NAV2: variants seen among roughly 807,000 people sequenced by gnomAD.
NAV2 encodes neuron navigator 2, also known as helicase, APC down-regulated 1.
NAV2 carries 54 observed loss-of-function variants against 223.2 expected under a neutral mutation model. That is an observed-to-expected ratio of 0.24 (90% CI 0.19 to 0.30). The LOEUF (loss-of-function observed/expected upper bound fraction) is 0.30. Ranked by LOEUF, NAV2 falls within the 10% of genes least tolerant of loss-of-function variation. NAV2 has a pLI of 1.00. For missense variants in NAV2, 2,806 were observed against 3,147.5 expected, an observed-to-expected ratio of 0.89 and a Z score of 2.60; for synonymous variants, 1,279 against 1,239.3, an observed-to-expected ratio of 1.03 and a Z score of -0.67.
intron 1 of NAV2, among the ~76,000 whole-genome samples, chr11:19,829,650 G>A (rs1350502498): frequency 6.6e-6 from 1 of 152,188 alleles, no homozygotes; most frequent in African/African-American, 2.4e-5. Context: ...AGGGCACAGA[G>A]GGAATTGATA....
chr11:19,656,495 G>A (rs752197219), intron 1 of NAV2, among the ~76,000 whole-genome samples: 1 of 152,236 alleles, frequency 6.6e-6, no homozygotes, highest in African/African-American at 2.4e-5. Context: ...TGGGGAAGGA[G>A]CACAGAGCCA....
intron 26 of NAV2, among the ~76,000 whole-genome samples, chr11:20,089,905 G>T (rs112731579): frequency 6.6e-6 from 1 of 152,166 alleles, no homozygotes; most frequent in Non-Finnish European, 1.5e-5. Flanking sequence ...CCTTGACCTG[G>T]TGTGCAGCAG....
intron 6 of NAV2, among the ~76,000 whole-genome samples, chr11:19,927,190 A>T (rs2044841708): frequency 6.6e-6 from 1 of 152,172 alleles, no homozygotes; most frequent in Admixed American, 6.5e-5. Flanking sequence ...TTTCCTTCTT[A>T]CAGTGGTTTG....
intron 35 of NAV2, chr11:20,107,141 A>G (rs1397068464): frequency 8.4e-6 from 1 of 119,416 alleles, no homozygotes; most frequent in African/African-American, 3.3e-5. Flanking sequence ...GCAGTGGCGC[A>G]ATCTCGGCTC....
intron 8 of NAV2, among the ~76,000 whole-genome samples, chr11:19,943,254 C>T (rs1436675746): frequency 6.6e-6 from 1 of 151,860 alleles, no homozygotes; most frequent in Non-Finnish European, 1.5e-5. Flanking sequence ...CACTGATGGC[C>T]CAGAAGGTAG....
At chr11:19,854,593 G>A (rs899382308) in intron 3 of NAV2, among the ~76,000 whole-genome samples, 2 of 151,986 alleles carry the variant, frequency 1.3e-5, no homozygotes, top group African/African-American at 2.4e-5. Flanking sequence ...TACCTAACCC[G>A]TTTTACTCAT....
intron 1 of NAV2, among the ~76,000 whole-genome samples, chr11:19,562,741 A>G (rs1041956830): frequency 7.2e-5 from 11 of 152,226 alleles, no homozygotes; most frequent in Admixed American, 5.2e-4. Flanking sequence ...GCACTAAAGC[A>G]ATAGTTCTCA....
At chr11:19,650,766 G>T (rs185777865) in intron 1 of NAV2, among the ~76,000 whole-genome samples, 1 of 152,148 alleles carries the variant, frequency 6.6e-6, no homozygotes, top group Non-Finnish European at 1.5e-5. Context: ...CTTCTGACAC[G>T]TGCACAACAT....
chr11:19,820,421 G>A (rs1248978718), intron 1 of NAV2, among the ~76,000 whole-genome samples: 1 of 152,230 alleles, frequency 6.6e-6, no homozygotes, highest in Non-Finnish European at 1.5e-5. Context: ...AGAGATTGTG[G>A]TTAAAAGTTG....
chr11:19,685,902 C>G (rs1186483477), intron 1 of NAV2, among the ~76,000 whole-genome samples: 1 of 152,142 alleles, frequency 6.6e-6, no homozygotes, highest in Non-Finnish European at 1.5e-5. Flanking sequence ...TCTCAGGGCT[C>G]AGGTATTTTC....
chr11:20,025,764 G>A (rs529999608), intron 11 of NAV2, among the ~76,000 whole-genome samples: 5 of 152,290 alleles, frequency 3.3e-5, no homozygotes, highest in South Asian at 4.1e-4. Context: ...ACCTGGCACC[G>A]TCTGTAGACG....
chr11:19,409,066 T>C (rs1850030042), intron 1 of NAV2, among the ~76,000 whole-genome samples: 1 of 152,124 alleles, frequency 6.6e-6, no homozygotes, highest in South Asian at 2.1e-4. Context: ...ACGTCCTTAA[T>C]GAGTATGTTA....
chr11:19,682,945 A>G (rs141960796), intron 1 of NAV2, among the ~76,000 whole-genome samples: 1 of 152,304 alleles, frequency 6.6e-6, no homozygotes, highest in South Asian at 2.1e-4. Context: ...TGAGGTTCAG[A>G]GAAGTGAAGC....
At chr11:19,396,061 G>T (rs1231717713) in intron 1 of NAV2, among the ~76,000 whole-genome samples, 2 of 152,190 alleles carry the variant, frequency 1.3e-5, no homozygotes, top group Non-Finnish European at 2.9e-5. Context: ...AGCATTCACT[G>T]GGATAATGCA....
intron 1 of NAV2, among the ~76,000 whole-genome samples, chr11:19,514,470 C>T (rs529404615): frequency 6.6e-6 from 1 of 152,328 alleles, no homozygotes; most frequent in East Asian, 1.9e-4. Context: ...CCCTTTAGGC[C>T]ACAGGATTCT....
chr11:19,911,556 T>C (rs1308981872), intron 6 of NAV2, among the ~76,000 whole-genome samples: 1 of 152,212 alleles, frequency 6.6e-6, no homozygotes, highest in African/African-American at 2.4e-5. Flanking sequence ...AATAAATCCT[T>C]GTTGAAAGAA....
At chr11:19,561,546 A>G (rs1590531656) in intron 1 of NAV2, among the ~76,000 whole-genome samples, 1 of 152,338 alleles carries the variant, frequency 6.6e-6, no homozygotes, top group East Asian at 1.9e-4. Flanking sequence ...ATCAGTGAAC[A>G]TTGTGTAAGC....
intron 1 of NAV2, among the ~76,000 whole-genome samples, chr11:19,424,568 C>T (rs114884683): frequency 0.027 from 4,051 of 152,122 alleles, 191 homozygotes; most frequent in African/African-American, 0.092. Flanking sequence ...TTGTTTGTTT[C>T]GAGACGGAGT....
chr11:19,533,927 C>T (rs554174323), intron 1 of NAV2, among the ~76,000 whole-genome samples: 1 of 148,656 alleles, frequency 6.7e-6, no homozygotes, highest in Admixed American at 6.6e-5. Context: ...GGGATGGTCT[C>T]GATCTCCTGA....
Sources: allele counts gnomAD v4.1 joint callset (sites outside exome capture counted in the v4.1 genomes callset), GRCh38; gene constraint gnomAD v4.1.1; transcripts MANE v1.5; gene names NCBI Gene and HGNC (gene_info 2026-07-23, HGNC 2026-07-21).